AGMO: variants seen among roughly 807,000 people sequenced by gnomAD.
The protein encoded by AGMO is glyceryl-ether monooxygenase.
A neutral mutation model predicts 60.2 loss-of-function variants in AGMO; 75 were observed. The observed-to-expected ratio is 1.25, with a 90% confidence interval of 1.03 to 1.51. AGMO has a LOEUF of 1.51. Among genes scored for constraint, AGMO ranks in the 40% most tolerant of loss-of-function variants. The pLI is 0.00. For synonymous variants in AGMO, 261 were observed against 177.1 expected (o/e 1.47, Z -3.76); for missense variants, 763 against 525.5 (o/e 1.45, Z -4.42).
chr7:15,474,032 C>G (rs1457319761), intron 3 of AGMO, among the ~76,000 whole-genome samples: 1 of 152,086 alleles, frequency 6.6e-6, no homozygotes, highest in Non-Finnish European at 1.5e-5. Flanking sequence ...CTACAAACCA[C>G]TGCTCAAGGA....
chr7:15,357,228 T>TGTGTGTGTGTG (rs1782573059), intron 12 of AGMO, among the ~76,000 whole-genome samples: 3 of 149,600 alleles, frequency 2.0e-5, no homozygotes, highest in Non-Finnish European at 4.4e-5. Context: ...TGTGTGTGTG[T>TGTGTGTGTGTG]TTCACCTTGA....
chr7:15,153,697 T>C, the AGMO span, among the ~76,000 whole-genome samples: 177 of 152,294 alleles, frequency 1.2e-3, no homozygotes, highest in African/African-American at 3.9e-3. Flanking sequence ...TTGGCATATG[T>C]GCCTATTTTT....
chr7:15,437,119 CAAACT>C (rs1314507469), intron 3 of AGMO, among the ~76,000 whole-genome samples: 1 of 151,940 alleles, frequency 6.6e-6, no homozygotes, highest in Non-Finnish European at 1.5e-5. Context: ...CTCAAGCTAC[CAAACT>C]AAAGTCTAAC....
intron 5 of AGMO, among the ~76,000 whole-genome samples, chr7:15,408,574 G>C (rs1028178821): frequency 6.6e-6 from 1 of 151,770 alleles, no homozygotes; most frequent in Non-Finnish European, 1.5e-5. Flanking sequence ...AATTATGCCA[G>C]AAAAAATAGG....
intron 2 of AGMO, among the ~76,000 whole-genome samples, chr7:15,548,156 A>T (rs1341069830): frequency 6.6e-6 from 1 of 152,014 alleles, no homozygotes; most frequent in Non-Finnish European, 1.5e-5. Context: ...CACATCAAAA[A>T]CCCATCTGTA....
intron 3 of AGMO, among the ~76,000 whole-genome samples, chr7:15,532,107 A>G (rs1267162380): frequency 6.6e-6 from 1 of 152,228 alleles, no homozygotes; most frequent in East Asian, 1.9e-4. Flanking sequence ...CAGAGGAAGC[A>G]TCACTTCATC....
chr7:15,139,214 A>G, the AGMO span, among the ~76,000 whole-genome samples: 1 of 152,146 alleles, frequency 6.6e-6, no homozygotes, highest in Non-Finnish European at 1.5e-5. Flanking sequence ...TATGGTGTAC[A>G]CTGTTATCTT....
At chr7:15,252,731 A>G (rs1284765625) in intron 12 of AGMO, among the ~76,000 whole-genome samples, 1 of 152,186 alleles carries the variant, frequency 6.6e-6, no homozygotes, top group Non-Finnish European at 1.5e-5. Context: ...TGATTCTTGA[A>G]ATGCCTGTTA....
chr7:15,232,826 CAA>C (rs1554398766), intron 12 of AGMO, among the ~76,000 whole-genome samples: 5 of 148,294 alleles, frequency 3.4e-5, no homozygotes, highest in South Asian at 2.1e-4. Flanking sequence ...CACACACACA[CAA>C]AAACTAAAGA....
At chr7:15,258,437 C>A (rs970364114) in intron 12 of AGMO, among the ~76,000 whole-genome samples, 7 of 151,532 alleles carry the variant, frequency 4.6e-5, no homozygotes, top group Non-Finnish European at 7.4e-5. Context: ...CCCAGCTACT[C>A]GGGAGGCTGA....
At chr7:15,277,162 G>A (rs961173473) in intron 12 of AGMO, among the ~76,000 whole-genome samples, 2 of 151,914 alleles carry the variant, frequency 1.3e-5, no homozygotes, top group Admixed American at 6.6e-5. Context: ...ACAACAATTA[G>A]GTGGGCATGG....
chr7:15,485,157 A>AG (rs1554278101), intron 3 of AGMO, among the ~76,000 whole-genome samples: 13 of 150,768 alleles, frequency 8.6e-5, no homozygotes, highest in East Asian at 5.8e-4. Flanking sequence ...AAAAAAAAAA[A>AG]AAAGAAAAAC....
At chr7:15,179,568 C>T in the AGMO span, among the ~76,000 whole-genome samples, 3 of 152,268 alleles carry the variant, frequency 2.0e-5, no homozygotes, top group Admixed American at 6.5e-5. Flanking sequence ...GGCAGCCCTA[C>T]CCCTTTAGTT....
intron 3 of AGMO, among the ~76,000 whole-genome samples, chr7:15,475,914 C>T (rs1782583244): frequency 6.6e-6 from 1 of 152,038 alleles, no homozygotes; most frequent in Non-Finnish European, 1.5e-5. Flanking sequence ...TTACTCATTT[C>T]TGTGAGCATC....
At chr7:15,412,684 T>A (rs1274300078) in intron 5 of AGMO, among the ~76,000 whole-genome samples, 58 of 111,362 alleles carry the variant, frequency 5.2e-4, no homozygotes, top group African/African-American at 1.9e-3. Context: ...TTTCATTATT[T>A]AAAAAAAAAA....
At chr7:15,152,968 A>G in the AGMO span, among the ~76,000 whole-genome samples, 1 of 152,152 alleles carries the variant, frequency 6.6e-6, no homozygotes, top group East Asian at 1.9e-4. Context: ...CCAACAGTGT[A>G]AAAGTGTTCC....
chr7:15,557,715 A>G lies in AGMO; in HGVS notation c.257+2426T>C, dbSNP rs185592039. On this transcript the variant is annotated intron_variant, in intron 2 of 12. Coordinates refer to ENST00000342526, the MANE Select transcript of AGMO (RefSeq NM_001004320.2). ...ACTGGGATCTTTCAGACAAGGCTGT[A>G]AAAGAGAAAATTCCTTGAAAAACTT... Among the ~76,000 whole-genome samples, 722 of 152,208 alleles carry G rather than the reference A, an allele frequency of 4.7e-3. 4 individuals carry two copies. Among genetic ancestry groups the G allele is most frequent in the African/African-American group, 0.017 (686 of 41,558 alleles).
At position 15,395,669 on chromosome 7, in the gene AGMO, G is replaced by T. The variant is rs1002562013; in HGVS notation, c.610-1490C>A. ...AAATCTTGAGTTTTGAAACAAAATG[G>T]ATATATAAATTTATTGTTATTCTAA... On this transcript the variant is annotated intron_variant, in intron 5 of 12. Transcript: ENST00000342526. Among the ~76,000 whole-genome samples the T allele has an allele frequency of 3.3e-5, 5 of 152,100 alleles. 1 individual carries two copies. The East Asian group carries it at 9.6e-4, about 29-fold the overall frequency.
intron 2 of AGMO, among the ~76,000 whole-genome samples, chr7:15,553,922 G>C (rs1583684406): frequency 6.6e-6 from 1 of 151,998 alleles, no homozygotes; most frequent in Admixed American, 6.6e-5. Flanking sequence ...TTAGCATGAA[G>C]CCTAACTTCC....
Sources: allele counts gnomAD v4.1 joint callset (sites outside exome capture counted in the v4.1 genomes callset), GRCh38; gene constraint gnomAD v4.1.1; transcripts MANE v1.5; gene names NCBI Gene and HGNC (gene_info 2026-07-23, HGNC 2026-07-21).